The following PRRT3 variants were observed in gnomAD, a reference collection of about 807,000 sequenced individuals.
The protein encoded by PRRT3 is proline rich transmembrane protein 3.
Under a neutral mutation model 56.6 loss-of-function variants are expected in PRRT3, and 48 were observed. The ratio of observed to expected loss-of-function variants is 0.85; its 90% CI spans 0.67 to 1.08. The LOEUF (loss-of-function observed/expected upper bound fraction) is 1.08, where lower values mean the gene tolerates loss of function less well. PRRT3 is among the 50% of genes least tolerant of loss of function. The probability of loss-of-function intolerance (pLI) is 0.00; values close to 1 mark genes in which losing one functional copy is unlikely to be tolerated. For missense variants in PRRT3, 1,370 were observed against 1,353.1 expected, an observed-to-expected ratio of 1.01 and a Z score of -0.20; for synonymous variants, 641 against 619.1, an observed-to-expected ratio of 1.04 and a Z score of -0.52.
intron 1 of PRRT3, 58 bp from the exon 2 acceptor site, chr3:9,950,230 C>T (rs2124885233): frequency 2.7e-6 from 2 of 736,428 alleles, no homozygotes; most frequent in Non-Finnish European, 3.8e-6. Context: ...CCATGCCTTC[C>T]TCAAGGGGCT....
In PRRT3 at chr3:9,948,897, A is replaced by G; in HGVS notation, c.1032T>C (p.Asn344=). 1 of 1,588,386 alleles carries G rather than the reference A, an allele frequency of 6.3e-7. No individual in the cohort carries two copies. Among genetic ancestry groups the G allele is most frequent in the African/African-American group, 1.4e-5 (1 of 73,774 alleles). ...RPSKPERAAM[N]GADPISPQRV... Reference sequence around the variant, plus strand: ...GCTGGGGGGAGATGGGGTCTGCTCCATTCATTGCTGCTCTCTCTGAAATGA... The same window carrying G: ...GCTGGGGGGAGATGGGGTCTGCTCCGTTCATTGCTGCTCTCTCTGAAATGA... Residue 344 remains asparagine, a synonymous_variant, in exon 3 of 4, where the codon AAT becomes AAC. Transcript: ENST00000412055.
chr3:9,946,561 C>T lies in PRRT3; in HGVS notation c.2612G>A (p.Arg871His). Residue 871 changes from arginine (R) to histidine (H), a missense_variant, in exon 4 of 4, where the codon CGC becomes CAC. Transcript: ENST00000412055. This position sits in a 1 kb window ranked among gnomAD's most constrained non-coding sequence, Gnocchi z 4.1. ...GCGCACGTCGCTGAGCGACCTGCAGCGGCCGCGGAGGAGCGAGGAGCCAGC... is the reference window on the plus strand; with the variant it reads ...GCGCACGTCGCTGAGCGACCTGCAGTGGCCGCGGAGGAGCGAGGAGCCAGC... ...DDAGSSLLRGRCRSLSDVRVR... is the reference protein window; with the variant it reads ...DDAGSSLLRGHCRSLSDVRVR... The T allele has an allele frequency of 1.4e-6, 2 of 1,421,232 alleles. No individual in the cohort carries two copies. The highest frequency in any genetic ancestry group is 1.8e-6 in the Non-Finnish European group (2 of 1,087,762). 88.0% of individuals were successfully genotyped at this position (1,421,232 alleles called of 1,614,324 possible). A position where few individuals can be genotyped will look rare whatever the true frequency, so the allele number is the denominator to read the frequency against.
In PRRT3 at chr3:9,947,812, G is replaced by T; in HGVS notation, c.1361C>A (p.Thr454Asn). ...GGGGCCCCAGCGTAGCGGGGGTGCA[G>T]TGGCGTTGGCTGGGGGGCTGGAGGC... is the stretch of plus-strand genomic sequence containing the variant. ...APASSPPANA[T>N]APPLRWGPLR... Residue 454 changes from threonine (T) to asparagine (N), a missense_variant, in exon 4 of 4, where the codon ACT becomes AAT. Transcript: ENST00000412055. This position sits in a 1 kb window ranked among gnomAD's most constrained non-coding sequence, Gnocchi z 9.2. 3.5e-6 allele frequency: 5 copies of T among 1,448,872 alleles called. No individual in the cohort carries two copies. Among genetic ancestry groups the T allele is most frequent in the Non-Finnish European group, 4.5e-6 (5 of 1,101,086 alleles). The allele number at this position is 1,448,872 out of a possible 1,614,324, so 89.8% of individuals were successfully genotyped here. A position where few individuals can be genotyped will look rare whatever the true frequency, so the allele number is the denominator to read the frequency against.
Position 9,946,482 on chromosome 3 carries a change from A to G in PRRT3, c.2691T>C (p.Ala897=). Reference sequence around the variant, plus strand: ...TGTCGAGGGAGCTGCCAGAAGCCGCAGCGGCTGCCCCGTCGGGTGCTTCCA... The same window carrying G: ...TGTCGAGGGAGCTGCCAGAAGCCGCGGCGGCTGCCCCGTCGGGTGCTTCCA... ...HVVEAPDGAA[A]AASGSSLDSF... The change falls in exon 4 of 4, where the codon GCT becomes GCC. Residue 897 remains alanine (A), a synonymous_variant. Coordinates refer to ENST00000412055, the MANE Select transcript of PRRT3 (RefSeq NM_207351.5). The surrounding 1 kb of genome is among the most constrained non-coding windows in gnomAD (Gnocchi z 4.1). 6.4e-7 allele frequency: 1 copy of G among 1,554,898 alleles called. No individual in the cohort carries two copies. Among genetic ancestry groups the G allele is most frequent in the Non-Finnish European group, 8.7e-7 (1 of 1,150,042 alleles).
rs776359469 is a variant in PRRT3, at chr3:9,949,119, C to G, written c.997G>C (p.Asp333His). The change falls in exon 2 of 4, where the codon GAT (aspartate) becomes CAT (histidine). Residue 333 changes from aspartate to histidine, a missense_variant. Asp to His is a moderately conservative substitution (Grantham distance 81). Transcript: ENST00000412055. The surrounding 1 kb of genome is among the most constrained non-coding windows in gnomAD (Gnocchi z 4.5). Reference protein sequence around the residue: ...PTDPPASEAPDRPSKPERAAM... With the variant: ...PTDPPASEAPHRPSKPERAAM... ...TACCCACCTGGCTTAGACGGCCGAT[C>G]AGGAGCCTCTGAGGCGGGTGGATCC... 5 of 1,607,900 alleles carry G rather than the reference C, an allele frequency of 3.1e-6. No individual in the cohort carries two copies.
chr3:9,951,700 A>C (rs1250620878), intron 1 of PRRT3, among the ~76,000 whole-genome samples: 1 of 152,104 alleles, frequency 6.6e-6, no homozygotes, highest in Non-Finnish European at 1.5e-5. Flanking sequence ...GTTCTTTCCC[A>C]GTGAGGCTCC....
In PRRT3 at chr3:9,950,045, G is replaced by A. The variant is rs753848284; in HGVS notation, c.71C>T (p.Pro24Leu). ...CCTGGGAAAGCCCCTCCCCAGGGCAGGGCCAGTCCCCAGGAGTGGCAGCAG... is the reference window on the plus strand; with the variant it reads ...CCTGGGAAAGCCCCTCCCCAGGGCAAGGCCAGTCCCCAGGAGTGGCAGCAG... Reference protein sequence around the residue: ...LLLLPLLGTGPALGRGFPRPL... With the variant: ...LLLLPLLGTGLALGRGFPRPL... The change falls in exon 2 of 4, where the codon CCT becomes CTT. Residue 24 changes from proline (P) to leucine (L), a missense_variant. By Grantham distance (98) the Pro-to-Leu change is moderately conservative. Coordinates refer to ENST00000412055, the MANE Select transcript of PRRT3 (RefSeq NM_207351.5). 4 of 1,518,304 alleles carry A rather than the reference G, an allele frequency of 2.6e-6. No homozygotes were observed. Among genetic ancestry groups the A allele is most frequent in the Non-Finnish European group, 3.5e-6 (4 of 1,136,266 alleles). 94.1% of individuals were successfully genotyped at this position (1,518,304 alleles called of 1,614,324 possible).
rs55847610 is a variant in PRRT3, at chr3:9,949,479, A to G, written c.637T>C (p.Ser213Pro). Reference sequence around the variant, plus strand: ...GGCCTCTTGACAGTACCTGAGTGGGAAACAAGGGTGTGGGGTGGGCCCTGG... The same window carrying G: ...GGCCTCTTGACAGTACCTGAGTGGGGAACAAGGGTGTGGGGTGGGCCCTGG... ...DHQGPPHTLV[S>P]HSGTVKRPVL... is the part of the protein sequence containing the mutation. The change falls in exon 2 of 4, where the codon TCC becomes CCC. Residue 213 changes from serine to proline, a missense_variant. Ser to Pro is a moderately conservative substitution (Grantham distance 74). Transcript: ENST00000412055. The surrounding 1 kb of genome is among the most constrained non-coding windows in gnomAD (Gnocchi z 4.5). 0.27 allele frequency: 430,645 copies of G among 1,613,784 alleles called. 67,000 individuals are homozygous for G. The highest frequency in any genetic ancestry group is 0.72 in the African/African-American group (54,230 of 74,936).
At position 9,946,029 on chromosome 3, in the gene PRRT3, G is replaced by T; in HGVS notation, c.*198C>A. 5 of 759,510 alleles carry T rather than the reference G, an allele frequency of 6.6e-6. No homozygotes were observed. 47.0% of individuals were successfully genotyped at this position (759,510 alleles called of 1,614,324 possible). Reference sequence around the variant, plus strand: ...TATTTTTAGTAGAGACGAGGGTTTCGCTATGTTCGAGACCAGGAGGCTGAT... The same window carrying T: ...TATTTTTAGTAGAGACGAGGGTTTCTCTATGTTCGAGACCAGGAGGCTGAT... On this transcript the variant is annotated 3_prime_UTR_variant, in exon 4 of 4. Coordinates refer to ENST00000412055, the MANE Select transcript of PRRT3 (RefSeq NM_207351.5). The surrounding 1 kb of genome is among the most constrained non-coding windows in gnomAD (Gnocchi z 4.1).
Position 9,949,947 on chromosome 3 carries a change from C to T in PRRT3, c.169G>A (p.Ala57Thr). The change falls in exon 2 of 4, where the codon GCC becomes ACC. Residue 57 changes from alanine to threonine, a missense_variant. Physicochemically the swap from Ala to Thr is moderately conservative, Grantham distance 58. Coordinates refer to ENST00000412055, the MANE Select transcript of PRRT3 (RefSeq NM_207351.5). The surrounding 1 kb of genome is among the most constrained non-coding windows in gnomAD (Gnocchi z 4.5). ...GGGTTCTCCGGGAACACGTCAAAGG[C>T]CTGGGGCTCTGAGCCCACAGAGCCC... is the stretch of plus-strand genomic sequence containing the variant. ...PKGSVGSEPQ[A>T]FDVFPENPRA... 1 of 1,594,214 alleles carries T rather than the reference C, an allele frequency of 6.3e-7. No homozygotes were observed. The highest frequency in any genetic ancestry group is 8.5e-7 in the Non-Finnish European group (1 of 1,171,086).
intron 1 of PRRT3, among the ~76,000 whole-genome samples, chr3:9,950,525 C>T (rs1175410720): frequency 6.6e-6 from 1 of 150,742 alleles, no homozygotes; most frequent in Admixed American, 6.6e-5. Context: ...CTTTTTGAGA[C>T]GGAGTCTTGC....
intron 1 of PRRT3, among the ~76,000 whole-genome samples, chr3:9,952,063 A>T (rs2085627832): frequency 6.6e-6 from 1 of 152,028 alleles, no homozygotes; most frequent in Non-Finnish European, 1.5e-5. Flanking sequence ...TCTCTGCCGC[A>T]GGGACTGGGG....
Position 9,949,735 on chromosome 3 carries a change from C to G in PRRT3, c.381G>C (p.Trp127Cys), listed in dbSNP as rs2085591985. The part of the protein sequence containing the change: ...QMAQGPSSHG[W>C]TGPLDSQELL... The stretch of plus-strand genomic sequence containing the variant: ...GCTCTTGTGAGTCCAGAGGTCCTGT[C>G]CAGCCGTGGGAGCTTGGTCCTTGAG... Residue 127 changes from tryptophan (W) to cysteine (C), a missense_variant, in exon 2 of 4, where the codon TGG becomes TGC. By Grantham distance (215) the Trp-to-Cys change is radical. Transcript: ENST00000412055. This position sits in a 1 kb window ranked among gnomAD's most constrained non-coding sequence, Gnocchi z 4.5. 2 of 1,614,168 alleles carry G rather than the reference C, an allele frequency of 1.2e-6. No homozygotes were observed. The highest frequency in any genetic ancestry group is 3.3e-5 in the Admixed American group (2 of 60,034).
In PRRT3 at chr3:9,947,598, A is replaced by G; in HGVS notation, c.1575T>C (p.Pro525=). Residue 525 remains proline, a synonymous_variant, in exon 4 of 4, where the codon CCT becomes CCC. Coordinates refer to ENST00000412055, the MANE Select transcript of PRRT3 (RefSeq NM_207351.5). The surrounding 1 kb of genome is among the most constrained non-coding windows in gnomAD (Gnocchi z 9.2). ...ALRSAYMLTD[P]YGSQARLGVR... is the part of the protein sequence containing the mutation. ...CGCCCAGCCGCGCCTGCGAGCCGTA[A>G]GGGTCGGTAAGCATGTAGGCGGATC... The G allele has an allele frequency of 6.2e-7, 1 of 1,601,878 alleles. No homozygotes were observed. Among genetic ancestry groups the G allele is most frequent in the Admixed American group, 1.7e-5 (1 of 58,688 alleles).
In PRRT3 at chr3:9,947,667, C is replaced by G; in HGVS notation, c.1506G>C (p.Leu502=). The part of the protein sequence containing the change: ...ALAAAPAGPR[L]ALVAAVLVLV... ...GCACCAGCACCGCGGCCACCAATGC[C>G]AGCCGGGGCCCTGCTGGGGCGGCTG... Residue 502 remains leucine (L), a synonymous_variant, in exon 4 of 4, where the codon CTG becomes CTC. Transcript: ENST00000412055. This position sits in a 1 kb window ranked among gnomAD's most constrained non-coding sequence, Gnocchi z 9.2. 6.4e-7 allele frequency: 1 copy of G among 1,566,294 alleles called. No individual in the cohort carries two copies. Among genetic ancestry groups the G allele is most frequent in the East Asian group, 2.3e-5 (1 of 43,464 alleles).
chr3:9,946,864 C>T lies in PRRT3; in HGVS notation c.2309G>A (p.Gly770Asp), dbSNP rs1395459693. 3.2e-6 allele frequency: 5 copies of T among 1,539,620 alleles called. No individual in the cohort carries two copies. Among genetic ancestry groups the T allele is most frequent in the Non-Finnish European group, 4.4e-6 (5 of 1,148,552 alleles). ...CAACGACGCAGCCGAGCCCCAGGCGCCTGAACTGGGCGTGGCCAGCTGCCC... is the reference window on the plus strand; with the variant it reads ...CAACGACGCAGCCGAGCCCCAGGCGTCTGAACTGGGCGTGGCCAGCTGCCC... ...ESGQLATPSS[G>D]AWGSAASLGR... is the part of the protein sequence containing the mutation. The change falls in exon 4 of 4, where the codon GGC becomes GAC. Residue 770 changes from glycine (G) to aspartate (D), a missense_variant. Coordinates refer to ENST00000412055, the MANE Select transcript of PRRT3 (RefSeq NM_207351.5). The surrounding 1 kb of genome is among the most constrained non-coding windows in gnomAD (Gnocchi z 4.1).
chr3:9,946,394 C>G lies in PRRT3; in HGVS notation c.2779G>C (p.Asp927His). 6.2e-7 allele frequency: 1 copy of G among 1,607,358 alleles called. No homozygotes were observed. Among genetic ancestry groups the G allele is most frequent in the Non-Finnish European group, 8.5e-7 (1 of 1,176,190 alleles). ...GGCAACTCATCTAGGGGCAGACTGTCCACTGATGACAGCCCGTGGCGCCAG... is the reference window on the plus strand; with the variant it reads ...GGCAACTCATCTAGGGGCAGACTGTGCACTGATGACAGCCCGTGGCGCCAG... ...NPWRHGLSSV[D>H]SLPLDELPST... is the part of the protein sequence containing the mutation. Residue 927 changes from aspartate (D) to histidine (H), a missense_variant, in exon 4 of 4, where the codon GAC becomes CAC. Asp to His is a moderately conservative substitution (Grantham distance 81, BLOSUM62 -1). Coordinates refer to ENST00000412055, the MANE Select transcript of PRRT3 (RefSeq NM_207351.5). The surrounding 1 kb of genome is among the most constrained non-coding windows in gnomAD (Gnocchi z 4.1).
intron 1 of PRRT3, among the ~76,000 whole-genome samples, chr3:9,950,527 G>C (rs969996267): frequency 7.2e-5 from 11 of 152,188 alleles, no homozygotes; most frequent in African/African-American, 2.4e-4. Flanking sequence ...TTTTGAGACG[G>C]AGTCTTGCTC....
rs1309449312 is a variant in PRRT3 at position 9,946,855 on chromosome 3, C to A, written c.2318G>T (p.Gly773Val). The change falls in exon 4 of 4, where the codon GGC (glycine) becomes GTC (valine). Residue 773 changes from glycine to valine, a missense_variant. Coordinates refer to ENST00000412055, the MANE Select transcript of PRRT3 (RefSeq NM_207351.5). The surrounding 1 kb of genome is among the most constrained non-coding windows in gnomAD (Gnocchi z 4.1). ...QLATPSSGAW[G>V]SAASLGRGPQ... ...TCCGCGACCCAACGACGCAGCCGAG[C>A]CCCAGGCGCCTGAACTGGGCGTGGC... 1 of 1,539,338 alleles carries A rather than the reference C, an allele frequency of 6.5e-7. No individual in the cohort carries two copies. Among genetic ancestry groups the A allele is most frequent in the Non-Finnish European group, 8.7e-7 (1 of 1,148,366 alleles).
Sources: allele counts gnomAD v4.1 joint callset (sites outside exome capture counted in the v4.1 genomes callset), GRCh38; gene constraint gnomAD v4.1.1; non-coding constraint Gnocchi (gnomAD v3.1); transcripts MANE v1.5; gene names NCBI Gene and HGNC (gene_info 2026-07-23, HGNC 2026-07-21).